PDE1C: variants seen among roughly 807,000 people sequenced by gnomAD.
PDE1C encodes phosphodiesterase 1C.
PDE1C carries 62 observed loss-of-function variants against 93.1 expected under a neutral mutation model. That is an observed-to-expected ratio of 0.67 (90% CI 0.54 to 0.82). The LOEUF is 0.82. PDE1C is among the 40% of genes least tolerant of loss of function. The pLI is 0.00. For missense variants in PDE1C, 742 were observed against 884.6 expected, an observed-to-expected ratio of 0.84 and a Z score of 2.04; for synonymous variants, 325 against 310.1, an observed-to-expected ratio of 1.05 and a Z score of -0.50.
chr7:32,389,190 G>GTGTGT (rs3079660), intron 1 of PDE1C, among the ~76,000 whole-genome samples: 8 of 127,922 alleles, frequency 6.3e-5, no homozygotes, highest in African/African-American at 9.2e-5. Flanking sequence ...GTGTGTGTGT[G>GTGTGT]GTTTTTTTGG....
At chr7:32,209,204 A>G (rs1383875785) in intron 2 of PDE1C, among the ~76,000 whole-genome samples, 1 of 152,188 alleles carries the variant, frequency 6.6e-6, no homozygotes, top group Non-Finnish European at 1.5e-5. Flanking sequence ...TCATGGTTCT[A>G]AAAAGCCCCC....
chr7:31,918,286 AG>A (rs1247856232), intron 2 of PDE1C, among the ~76,000 whole-genome samples: 7 of 152,320 alleles, frequency 4.6e-5, no homozygotes, highest in African/African-American at 1.7e-4. Flanking sequence ...CTGGCTTCAA[AG>A]TTTTGGAAAC....
intron 16 of PDE1C, among the ~76,000 whole-genome samples, chr7:31,781,773 C>T (rs1783430319): frequency 6.8e-6 from 1 of 147,396 alleles, no homozygotes; most frequent in Non-Finnish European, 1.5e-5. Flanking sequence ...GTATTTAATG[C>T]TTTTTTCCTG....
intron 2 of PDE1C, among the ~76,000 whole-genome samples, chr7:31,948,719 T>G (rs1047924028): frequency 6.6e-6 from 1 of 152,130 alleles, no homozygotes; most frequent in Non-Finnish European, 1.5e-5. Flanking sequence ...GGGTGTTTTT[T>G]GTTCCATCAT....
At chr7:31,904,829 G>A (rs996804646) in intron 2 of PDE1C, among the ~76,000 whole-genome samples, 2 of 152,070 alleles carry the variant, frequency 1.3e-5, no homozygotes, top group Non-Finnish European at 1.5e-5. Flanking sequence ...AACCATATTT[G>A]TTGATGAAAT....
chr7:31,856,818 TA>T (rs1044613387), intron 7 of PDE1C, among the ~76,000 whole-genome samples: 23 of 151,322 alleles, frequency 1.5e-4, no homozygotes, highest in African/African-American at 5.6e-4. Flanking sequence ...CATAACAAAA[TA>T]ACACGGGCTG....
At chr7:32,356,892 C>A (rs1366353808) in intron 1 of PDE1C, among the ~76,000 whole-genome samples, 3 of 151,992 alleles carry the variant, frequency 2.0e-5, no homozygotes, top group African/African-American at 7.3e-5. Context: ...GTTTGAAAAG[C>A]GAGAGTACAG....
At chr7:31,934,530 T>C (rs1804755890) in intron 2 of PDE1C, among the ~76,000 whole-genome samples, 1 of 149,868 alleles carries the variant, frequency 6.7e-6, no homozygotes. Context: ...TACATAAACA[T>C]TTCCAGCAAA....
At chr7:32,054,311 A>T (rs990735684) in intron 1 of PDE1C, among the ~76,000 whole-genome samples, 3 of 152,182 alleles carry the variant, frequency 2.0e-5, no homozygotes, top group Non-Finnish European at 4.4e-5. Context: ...AACTTCACCC[A>T]CACTAGCTAT....
chr7:31,792,690 T>G lies in PDE1C; in HGVS notation c.1891+16341A>C, dbSNP rs144910749. Among the ~76,000 whole-genome samples the G allele has an allele frequency of 5.3e-5, 8 of 152,208 alleles. No individual in the cohort carries two copies. The East Asian group carries it at 1.6e-3, about 30-fold the overall frequency. On this transcript the variant is annotated intron_variant, in intron 16 of 17. Coordinates refer to ENST00000396191, the MANE Select transcript of PDE1C (RefSeq NM_001191057.4). ...TTTTCACTCCACATCCTATCTTTCA[T>G]TGTGTTCTGGTTTTATGTATTTGTT...
intron 2 of PDE1C, among the ~76,000 whole-genome samples, chr7:31,966,260 G>A (rs547974591): frequency 2.7e-4 from 41 of 152,224 alleles, no homozygotes; most frequent in African/African-American, 9.2e-4. Flanking sequence ...AGGGATGGAG[G>A]AAGATCTACC....
chr7:31,899,675 G>A (rs1207106705), intron 2 of PDE1C, among the ~76,000 whole-genome samples: 1 of 152,150 alleles, frequency 6.6e-6, no homozygotes, highest in East Asian at 1.9e-4. Context: ...GACAGAGAAG[G>A]ACAAAGGCAG....
chr7:31,746,056 G>A, the PDE1C span, among the ~76,000 whole-genome samples: 1 of 74,330 alleles, frequency 1.3e-5, no homozygotes, highest in South Asian at 4.9e-4. Flanking sequence ...TAAGACAGGA[G>A]TGGACAAACT....
chr7:32,254,731 C>T (rs1379386863), intron 1 of PDE1C, among the ~76,000 whole-genome samples: 2 of 151,972 alleles, frequency 1.3e-5, no homozygotes, highest in East Asian at 3.9e-4. Flanking sequence ...ACACACATGC[C>T]CAAGTGAGAG....
At chr7:31,915,835 T>C (rs1005947416) in intron 2 of PDE1C, among the ~76,000 whole-genome samples, 4 of 152,316 alleles carry the variant, frequency 2.6e-5, no homozygotes, top group Non-Finnish European at 5.9e-5. Context: ...ATGAGGGCCT[T>C]TGAAAATGAA....
intron 16 of PDE1C, among the ~76,000 whole-genome samples, chr7:31,780,284 A>C (rs1156635112): frequency 3.3e-5 from 5 of 152,184 alleles, no homozygotes; most frequent in Non-Finnish European, 7.3e-5. Context: ...CTTTCTTCTG[A>C]AACAACTGGT....
At chr7:32,304,781 T>C (rs953790875) in intron 1 of PDE1C, among the ~76,000 whole-genome samples, 36 of 152,144 alleles carry the variant, frequency 2.4e-4, no homozygotes, top group Non-Finnish European at 7.3e-5. Flanking sequence ...GTTATAATAA[T>C]GTATGTAAAA....
At chr7:32,363,536 G>T (rs1784177059) in intron 1 of PDE1C, among the ~76,000 whole-genome samples, 1 of 152,194 alleles carries the variant, frequency 6.6e-6, no homozygotes, top group African/African-American at 2.4e-5. Flanking sequence ...ATCTCAAAAT[G>T]TATTTAAAGA....
intron 15 of PDE1C, among the ~76,000 whole-genome samples, chr7:31,812,055 C>G (rs1478365104): frequency 6.6e-6 from 1 of 152,108 alleles, no homozygotes; most frequent in Admixed American, 6.6e-5. Context: ...ACTCAATAAA[C>G]AAGGGGAAGT....
Sources: gnomAD v4.1 joint callset for allele counts (sites outside exome capture counted in the v4.1 genomes callset) on GRCh38, gnomAD v4.1.1 for gene constraint, MANE v1.5 for transcripts, NCBI Gene and HGNC (gene_info 2026-07-23, HGNC 2026-07-21) for gene names.